Variants in PHEX observed in about 807,000 individuals in gnomAD.
PHEX encodes the protein phosphate-regulating neutral endopeptidase PHEX.
Under a neutral mutation model 68.0 loss-of-function variants are expected in PHEX, and 16 were observed. The ratio of observed to expected loss-of-function variants is 0.24; its 90% CI spans 0.16 to 0.36. The LOEUF (loss-of-function observed/expected upper bound fraction) is 0.36, where lower values mean the gene tolerates loss of function less well. PHEX is among the 10% of genes least tolerant of loss of function. The probability of loss-of-function intolerance (pLI) is 1.00; values close to 1 mark genes in which losing one functional copy is unlikely to be tolerated. For missense variants in PHEX, 480 were observed against 575.5 expected, an observed-to-expected ratio of 0.83 and a Z score of 1.70; for synonymous variants, 208 against 205.1, an observed-to-expected ratio of 1.01 and a Z score of -0.12.
At chrX:22,042,693 G>T (rs1031492996) in intron 2 of PHEX, among the ~76,000 whole-genome samples, 3 of 111,597 alleles carry the variant, frequency 2.7e-5, no homozygotes, top group African/African-American at 9.8e-5. Context: ...GCCGAGGCAG[G>T]ACAATCACTT....
chrX:22,190,353 C>G, intron 14 of PHEX, 91 bp from the exon 15 acceptor site: 1 of 618,356 alleles, frequency 1.6e-6, no homozygotes, highest in Non-Finnish European at 2.8e-6. Flanking sequence ...ATGTTATCTG[C>G]TAATAAACCC....
intron 3 of PHEX, among the ~76,000 whole-genome samples, chrX:22,053,139 A>G (rs1321985495): frequency 8.9e-6 from 1 of 111,815 alleles, no homozygotes; most frequent in Non-Finnish European, 1.9e-5. Flanking sequence ...TCATGAAGTA[A>G]TGTCTATCAA....
At chrX:22,103,500 T>C (rs1930522098) in intron 9 of PHEX, among the ~76,000 whole-genome samples, 1 of 110,880 alleles carries the variant, frequency 9.0e-6, no homozygotes, top group Non-Finnish European at 1.9e-5. Flanking sequence ...ATATCATTCT[T>C]ATGCCTTTGC....
intron 12 of PHEX, among the ~76,000 whole-genome samples, chrX:22,139,984 A>C (rs2147093352): frequency 9.0e-6 from 1 of 111,242 alleles, no homozygotes; most frequent in East Asian, 2.8e-4. Flanking sequence ...TGCCATCTGA[A>C]GGGCTTGTTA....
intron 14 of PHEX, among the ~76,000 whole-genome samples, chrX:22,180,715 C>T (rs1933858465): frequency 9.0e-6 from 1 of 111,560 alleles, no homozygotes; most frequent in Non-Finnish European, 1.9e-5. Flanking sequence ...TCAAATAGAT[C>T]TTATTCATTC....
chrX:22,168,167 A>G (rs1339205275), intron 12 of PHEX, 145 bp from the exon 13 acceptor site: 18 of 500,541 alleles, frequency 3.6e-5, no homozygotes, highest in South Asian at 1.9e-4. Flanking sequence ...ATATATCTAT[A>G]TATTTTTGCC....
intron 20 of PHEX, among the ~76,000 whole-genome samples, chrX:22,234,019 C>A (rs1483496728): frequency 1.8e-5 from 2 of 112,423 alleles, no homozygotes; most frequent in Non-Finnish European, 3.8e-5. Flanking sequence ...CTGTTCCTTT[C>A]TGTTTGTTTG....
At chrX:22,182,925 GTTTAA>G (rs1340521644) in intron 14 of PHEX, among the ~76,000 whole-genome samples, 4 of 111,908 alleles carry the variant, frequency 3.6e-5, no homozygotes, top group Non-Finnish European at 7.5e-5. Context: ...ATTAAATTTT[GTTTAA>G]TTTATTGCTC....
chrX:22,235,220 T>G (rs899424990), intron 20 of PHEX, among the ~76,000 whole-genome samples: 6 of 112,074 alleles, frequency 5.4e-5, no homozygotes, highest in Non-Finnish European at 9.4e-5. Context: ...AATGCAGAAA[T>G]CACCCACTTA....
chrX:22,097,691 C>T (rs1030093019), intron 8 of PHEX: 3 of 666,765 alleles, frequency 4.5e-6, no homozygotes, highest in Non-Finnish European at 5.3e-6. Flanking sequence ...TTAGAGTAGC[C>T]AATCTAAAAA....
At chrX:22,175,473 C>T (rs1439266075) in intron 13 of PHEX, among the ~76,000 whole-genome samples, 1 of 111,278 alleles carries the variant, frequency 9.0e-6, no homozygotes, top group African/African-American at 3.3e-5. Flanking sequence ...GCCTCAGCCT[C>T]CCGAGTAGCT....
chrX:22,220,696 ATTGG>A (rs1935241282), intron 17 of PHEX, among the ~76,000 whole-genome samples: 1 of 111,738 alleles, frequency 8.9e-6, no homozygotes, highest in Non-Finnish European at 1.9e-5. Context: ...CTATTTAATG[ATTGG>A]TTGGTTAGTG....
chrX:22,240,609 G>A lies in PHEX; in HGVS notation c.2071-4724G>A, dbSNP rs188772457. Among the ~76,000 whole-genome samples, 36 of 107,444 alleles carry A rather than the reference G, an allele frequency of 3.4e-4. No individual in the cohort carries two copies. In the East Asian group the frequency reaches 0.01, roughly 30 times the overall value. 93.3% of individuals were successfully genotyped at this position (107,444 alleles called of 115,157 possible). A position where few individuals can be genotyped will look rare whatever the true frequency, so the allele number is the denominator to read the frequency against. On this transcript the variant is annotated intron_variant, in intron 20 of 21. Transcript: ENST00000379374. ...AAAAAAAACAGAGGTTGCAATCCTAGTCTCTGATAAAACAGACTTTAATCC... is the reference window on the plus strand; with the variant it reads ...AAAAAAAACAGAGGTTGCAATCCTAATCTCTGATAAAACAGACTTTAATCC...
intron 9 of PHEX, among the ~76,000 whole-genome samples, chrX:22,107,692 C>T (rs1385505229): frequency 8.9e-6 from 1 of 112,124 alleles, no homozygotes; most frequent in Non-Finnish European, 1.9e-5. Flanking sequence ...GAAGCCTACT[C>T]TTAACCCTCA....
chrX:22,194,612 C>G (rs1934303919), intron 15 of PHEX, among the ~76,000 whole-genome samples: 1 of 112,624 alleles, frequency 8.9e-6, no homozygotes, highest in Non-Finnish European at 1.9e-5. Flanking sequence ...TTCCCATTAT[C>G]ATTTTCTGAT....
chrX:22,104,657 T>C (rs1051732186), intron 9 of PHEX, among the ~76,000 whole-genome samples: 7 of 111,768 alleles, frequency 6.3e-5, no homozygotes, highest in African/African-American at 2.3e-4. Context: ...TGAGGGGCAC[T>C]ATAGACTTCT....
At chrX:22,218,894 G>A (rs1328357713) in intron 16 of PHEX, 142 bp from the exon 17 acceptor site, 6 of 470,069 alleles carry the variant, frequency 1.3e-5, no homozygotes, top group Non-Finnish European at 2.3e-5. Context: ...ATTTTTTACA[G>A]CTTTATGGGT....
intron 12 of PHEX, among the ~76,000 whole-genome samples, chrX:22,149,034 T>G (rs141610094): frequency 1.7e-3 from 185 of 111,564 alleles, no homozygotes; most frequent in African/African-American, 5.7e-3. Flanking sequence ...GCAAATCATT[T>G]TCCAGTTTTA....
intron 15 of PHEX, among the ~76,000 whole-genome samples, chrX:22,199,425 G>A (rs1026564384): frequency 8.9e-6 from 1 of 111,928 alleles, no homozygotes; most frequent in Admixed American, 9.5e-5. Context: ...TTACCTATGG[G>A]CAACCAAGTT....
Sources: allele counts gnomAD v4.1 joint callset (sites outside exome capture counted in the v4.1 genomes callset), GRCh38; gene constraint gnomAD v4.1.1; transcripts MANE v1.5; gene names NCBI Gene and HGNC (gene_info 2026-07-23, HGNC 2026-07-21).